Variants in PAPPA observed in about 807,000 individuals in gnomAD.
PAPPA encodes the protein pappalysin-1.
In PAPPA, 60 loss-of-function variants were observed where a neutral mutation model predicts 164.0. The observed-to-expected ratio is 0.37, with a 90% CI of 0.30 to 0.45. The LOEUF (loss-of-function observed/expected upper bound fraction) is 0.45, where lower values mean the gene tolerates loss of function less well. PAPPA is among the 20% of genes least tolerant of loss of function. The probability of loss-of-function intolerance (pLI) is 1.00; values close to 1 mark genes in which losing one functional copy is unlikely to be tolerated. For missense variants in PAPPA, 1,782 were observed against 2,087.3 expected (o/e 0.85, Z 2.85); for synonymous variants, 875 against 814.1 (o/e 1.07, Z -1.27).
intron 21 of PAPPA, among the ~76,000 whole-genome samples, chr9:116,387,936 A>AGAGTT (rs1281564120): frequency 6.6e-6 from 1 of 152,198 alleles, no homozygotes; most frequent in Non-Finnish European, 1.5e-5. Flanking sequence ...CTCCAGGCCC[A>AGAGTT]GAGTTAAGCA....
In PAPPA at chr9:116,275,578, T is replaced by C. The variant is rs370742348; in HGVS notation, c.2953+4162T>C. 4.6e-5 allele frequency among the ~76,000 whole-genome samples: 7 copies of C among 152,290 alleles called. No individual in the cohort carries two copies. In the East Asian group the frequency reaches 1.4e-3, roughly 29 times the overall value. ...CACTCTGCCTCTCCATTTGAATGAC[T>C]TTCTTCCTTCCACTGTTCTTTCTTT... is the stretch of plus-strand genomic sequence containing the variant. On this transcript the variant is annotated intron_variant, in intron 9 of 21. Transcript: ENST00000328252.
intron 6 of PAPPA, among the ~76,000 whole-genome samples, chr9:116,232,032 G>A (rs1054765756): frequency 6.6e-6 from 1 of 152,060 alleles, no homozygotes; most frequent in African/African-American, 2.4e-5. Flanking sequence ...GGGATTACAG[G>A]CATGAGCCAC....
intron 17 of PAPPA, among the ~76,000 whole-genome samples, chr9:116,359,137 C>T (rs2118616266): frequency 1.3e-5 from 2 of 152,242 alleles, no homozygotes; most frequent in East Asian, 3.9e-4. Context: ...TGACTTACAC[C>T]CAGGCTCTTA....
chr9:116,393,314 T>C (rs549213419), intron 21 of PAPPA, among the ~76,000 whole-genome samples: 1 of 152,304 alleles, frequency 6.6e-6, no homozygotes, highest in East Asian at 1.9e-4. Context: ...CAACTCTTAT[T>C]ATAGGCAGGG....
At chr9:116,155,451 C>A (rs1843590851) in intron 1 of PAPPA, among the ~76,000 whole-genome samples, 1 of 152,206 alleles carries the variant, frequency 6.6e-6, no homozygotes, top group Admixed American at 6.5e-5. Context: ...GTGGAAATGC[C>A]TTTAATAAAA....
At chr9:116,257,926 A>ATG (rs1042211670) in intron 7 of PAPPA, among the ~76,000 whole-genome samples, 146 of 151,370 alleles carry the variant, frequency 9.6e-4, no homozygotes, top group African/African-American at 3.2e-3. Context: ...AATTATGTGT[A>ATG]TGTGTGTGTG....
chr9:116,394,744 G>A (rs1054162821), intron 21 of PAPPA, among the ~76,000 whole-genome samples: 1 of 152,236 alleles, frequency 6.6e-6, no homozygotes, highest in African/African-American at 2.4e-5. Flanking sequence ...AGCAAGAAGA[G>A]AGGTGCTGCT....
At chr9:116,305,926 A>C (rs555409786) in intron 10 of PAPPA, among the ~76,000 whole-genome samples, 1 of 152,296 alleles carries the variant, frequency 6.6e-6, no homozygotes, top group East Asian at 1.9e-4. Flanking sequence ...TCCTTGAACA[A>C]ACTTATAGTC....
At chr9:116,264,229 C>T (rs1845038421) in intron 7 of PAPPA, among the ~76,000 whole-genome samples, 2 of 152,002 alleles carry the variant, frequency 1.3e-5, no homozygotes, top group Admixed American at 6.6e-5. Flanking sequence ...ATAAAGTAGC[C>T]AATAAGCTAA....
intron 9 of PAPPA, among the ~76,000 whole-genome samples, chr9:116,291,589 C>T (rs919704356): frequency 6.6e-6 from 1 of 151,950 alleles, no homozygotes; most frequent in Non-Finnish European, 1.5e-5. Flanking sequence ...TGACACTATC[C>T]TAAGTATTCG....
chr9:116,171,253 G>A (rs2118590316), intron 1 of PAPPA, among the ~76,000 whole-genome samples: 1 of 152,308 alleles, frequency 6.6e-6, no homozygotes, highest in East Asian at 1.9e-4. Context: ...CCCTTGTTTA[G>A]TGATGCTGAG....
intron 11 of PAPPA, 37 bp from the exon 12 acceptor site, chr9:116,332,296 G>C: frequency 1.3e-6 from 2 of 1,595,602 alleles, no homozygotes; most frequent in Non-Finnish European, 1.7e-6. Flanking sequence ...ACATGACTGA[G>C]TGCACATGTG....
chr9:116,210,557 TTTTAAAG>T (rs1844294164), intron 3 of PAPPA, among the ~76,000 whole-genome samples: 1 of 152,212 alleles, frequency 6.6e-6, no homozygotes, highest in African/African-American at 2.4e-5. Flanking sequence ...CATTTTAAAA[TTTTAAAG>T]TTTAATTATC....
intron 7 of PAPPA, among the ~76,000 whole-genome samples, chr9:116,251,448 G>A (rs1844858608): frequency 6.6e-6 from 1 of 152,134 alleles, no homozygotes. Context: ...AAAATTGCTG[G>A]CCACCCAGAG....
intron 9 of PAPPA, chr9:116,287,722 T>G (rs1845357981): frequency 6.6e-6 from 1 of 152,248 alleles, no homozygotes; most frequent in African/African-American, 2.4e-5. Flanking sequence ...GTTAAGCATC[T>G]TCATACCTAC....
Position 116,298,403 on chromosome 9 carries a change from T to A in PAPPA, c.2954-4354T>A, listed in dbSNP as rs1845536827. Among the ~76,000 whole-genome samples the A allele has an allele frequency of 2.0e-5, 3 of 152,200 alleles. No homozygotes were observed. The East Asian group carries it at 5.8e-4, about 29-fold the overall frequency. On this transcript the variant is annotated intron_variant, in intron 9 of 21. Transcript: ENST00000328252. The stretch of plus-strand genomic sequence containing the variant: ...GCTAATGGCACCTACCCACGTCAAG[T>A]CTCCTAGCTGGATAGAACAGATTTC...
chr9:116,398,879 C>T lies in PAPPA; in HGVS notation c.*2263C>T, dbSNP rs556404113. 1 of 361,680 alleles carries T rather than the reference C, an allele frequency of 2.8e-6. No individual in the cohort carries two copies. The highest frequency in any genetic ancestry group is 7.3e-5 in the East Asian group (1 of 13,650). The allele number at this position is 361,680 out of a possible 1,614,324, so 22.4% of individuals were successfully genotyped here. On this transcript the variant is annotated 3_prime_UTR_variant, in exon 22 of 22. Transcript: ENST00000328252. ...TAGAAGAATTGATCCTATTTTGAAC[C>T]CCTCTCCAGTATCTTCACACTCTTG... is the stretch of plus-strand genomic sequence containing the variant.
chr9:116,278,898 A>T (rs1845234326), intron 9 of PAPPA, among the ~76,000 whole-genome samples: 1 of 152,234 alleles, frequency 6.6e-6, no homozygotes, highest in South Asian at 2.1e-4. Flanking sequence ...AATGCACAGC[A>T]GTTAGTGGAC....
At chr9:116,248,962 C>T (rs1587971094) in intron 7 of PAPPA, among the ~76,000 whole-genome samples, 1 of 152,188 alleles carries the variant, frequency 6.6e-6, no homozygotes, top group East Asian at 1.9e-4. Flanking sequence ...AGCATGGTCA[C>T]TGCTCCTCTT....
Sources: allele counts gnomAD v4.1 joint callset (sites outside exome capture counted in the v4.1 genomes callset), GRCh38; gene constraint gnomAD v4.1.1; transcripts MANE v1.5; gene names NCBI Gene and HGNC (gene_info 2026-07-23, HGNC 2026-07-21).